The following MECOM variants were observed in gnomAD, a reference collection of about 807,000 sequenced individuals.
MECOM encodes the protein histone-lysine N-methyltransferase MECOM.
Under a neutral mutation model 116.3 loss-of-function variants are expected in MECOM, and 13 were observed. That is an observed-to-expected ratio of 0.11 (90% confidence interval 0.07 to 0.18). The LOEUF (loss-of-function observed/expected upper bound fraction) is 0.18, where lower values mean the gene tolerates loss of function less well. MECOM is among the 10% of genes least tolerant of loss of function. The pLI is 1.00. For synonymous variants in MECOM, 528 were observed against 535.2 expected (o/e 0.99, Z 0.19); for missense variants, 1,299 against 1,509.0 (o/e 0.86, Z 2.31).
At chr3:169,522,090 G>A (rs1030360409) in intron 1 of MECOM, among the ~76,000 whole-genome samples, 1 of 152,188 alleles carries the variant, frequency 6.6e-6, no homozygotes, top group African/African-American at 2.4e-5. Flanking sequence ...CACAGATACA[G>A]AGGGATGACT....
chr3:169,090,259 A>G (rs1719250481), intron 14 of MECOM, 23 bp from the exon 15 acceptor site: 1 of 1,573,390 alleles, frequency 6.4e-7, no homozygotes, highest in Non-Finnish European at 8.6e-7. Context: ...TTAAAAAAAA[A>G]GTCCAATTGT....
intron 2 of MECOM, among the ~76,000 whole-genome samples, chr3:169,374,416 T>G (rs1417349723): frequency 6.6e-6 from 1 of 151,918 alleles, no homozygotes; most frequent in Non-Finnish European, 1.5e-5. Context: ...ATGGCACTAT[T>G]TTCAGAATAG....
intron 2 of MECOM, among the ~76,000 whole-genome samples, chr3:169,357,652 T>C (rs1727493620): frequency 6.6e-6 from 1 of 151,784 alleles, no homozygotes; most frequent in African/African-American, 2.4e-5. Flanking sequence ...AAAAGACTAA[T>C]TGTGCCTCAG....
At chr3:169,365,737 G>C (rs2149833419) in intron 2 of MECOM, among the ~76,000 whole-genome samples, 1 of 152,054 alleles carries the variant, frequency 6.6e-6, no homozygotes, top group East Asian at 2.0e-4. Context: ...AGTCCAGAGG[G>C]AAAATCAGTA....
chr3:169,226,295 A>C lies in MECOM; in HGVS notation c.376-82463T>G, dbSNP rs532273181. Among the ~76,000 whole-genome samples the C allele has an allele frequency of 5.1e-4, 78 of 152,356 alleles. No homozygotes were observed. In the South Asian group the frequency reaches 0.012, roughly 24 times the overall value. On this transcript the variant is annotated intron_variant, in intron 2 of 16. Coordinates refer to ENST00000651503, the MANE Select transcript of MECOM (RefSeq NM_004991.4). ...ATATCACCTGAATAAAAAAAGAATAAGAGTAGAAGTGGAGTGTGAGTTTCC... is the reference window on the plus strand; with the variant it reads ...ATATCACCTGAATAAAAAAAGAATACGAGTAGAAGTGGAGTGTGAGTTTCC...
chr3:169,090,090 G>A lies in MECOM; in HGVS notation c.3311C>T (p.Pro1104Leu). 1.2e-6 allele frequency: 2 copies of A among 1,613,540 alleles called. No individual in the cohort carries two copies. The highest frequency in any genetic ancestry group is 1.1e-5 in the South Asian group (1 of 91,054). The change falls in exon 15 of 17, where the codon CCA (proline) becomes CTA (leucine). Residue 1104 changes from proline to leucine, a missense_variant. Coordinates refer to ENST00000651503, the MANE Select transcript of MECOM (RefSeq NM_004991.4). Reference protein sequence around the residue: ...NDITGKTGKEPVTSNLHEGNP... With the variant: ...NDITGKTGKELVTSNLHEGNP... Reference sequence around the variant, plus strand: ...TCCTTCATGTAAATTACTTGTCACTGGTTCCTTTCCTGTTTTTCCAGTAAT... The same window carrying A: ...TCCTTCATGTAAATTACTTGTCACTAGTTCCTTTCCTGTTTTTCCAGTAAT...
At chr3:169,368,212 A>G (rs1270125733) in intron 2 of MECOM, among the ~76,000 whole-genome samples, 4 of 152,024 alleles carry the variant, frequency 2.6e-5, no homozygotes, top group South Asian at 4.1e-4. Context: ...TATTTTACCA[A>G]TCTTCAGTTT....
intron 1 of MECOM, among the ~76,000 whole-genome samples, chr3:169,500,350 T>C (rs555177488): frequency 9.7e-4 from 147 of 152,132 alleles, no homozygotes; most frequent in Middle Eastern, 3.4e-3. Context: ...TTTATAACCA[T>C]CTTTTTAAAA....
Position 169,127,975 on chromosome 3 carries a change from A to G in MECOM, c.699T>C (p.Ser233=). 6.2e-7 allele frequency: 1 copy of G among 1,614,084 alleles called. No individual in the cohort carries two copies. The highest frequency in any genetic ancestry group is 8.5e-7 in the Non-Finnish European group (1 of 1,179,938). ...CCATTGAAAATGCTGAGTGAGGAGTACTGCATGGAAACTTTTGGTGATCTG... is the reference window on the plus strand; with the variant it reads ...CCATTGAAAATGCTGAGTGAGGAGTGCTGCATGGAAACTTTTGGTGATCTG... ...ELADHQKFPC[S]TPHSAFSMVE... is the part of the protein sequence containing the mutation. Residue 233 remains serine (S), a synonymous_variant, in exon 5 of 17, where the codon AGT becomes AGC. Coordinates refer to ENST00000651503, the MANE Select transcript of MECOM (RefSeq NM_004991.4).
At chr3:169,184,967 G>A (rs950260754) in intron 2 of MECOM, among the ~76,000 whole-genome samples, 1 of 152,188 alleles carries the variant, frequency 6.6e-6, no homozygotes, top group Non-Finnish European at 1.5e-5. Context: ...AGGAGTGCCA[G>A]AAGGGAAGGT....
chr3:169,455,925 T>C (rs779023972), intron 1 of MECOM, among the ~76,000 whole-genome samples: 2 of 152,218 alleles, frequency 1.3e-5, no homozygotes, highest in Non-Finnish European at 2.9e-5. Context: ...AGAAAGCTTT[T>C]GAGCCTAGTC....
Position 169,115,667 on chromosome 3 carries a change from C to T in MECOM, c.2205G>A (p.Lys735=), listed in dbSNP as rs565691894. 2 of 1,614,136 alleles carry T rather than the reference C, an allele frequency of 1.2e-6. No individual in the cohort carries two copies. The highest frequency in any genetic ancestry group is 1.7e-6 in the Non-Finnish European group (2 of 1,180,024). The change falls in exon 8 of 17, where the codon AAG becomes AAA. Residue 735 remains lysine, a synonymous_variant. Transcript: ENST00000651503. ...GATCAAAGGGGGACTCAGAGCTGCCCTTCTGCAGTTTCTTTACTTCACCTG... is the reference window on the plus strand; with the variant it reads ...GATCAAAGGGGGACTCAGAGCTGCCTTTCTGCAGTTTCTTTACTTCACCTG... ...QSPGEVKKLQ[K]GSSESPFDLT... is the part of the protein sequence containing the mutation.
intron 2 of MECOM, among the ~76,000 whole-genome samples, chr3:169,298,593 T>G (rs1193913603): frequency 6.6e-6 from 1 of 152,186 alleles, no homozygotes. Flanking sequence ...ACTGTAATGA[T>G]TTGAAGATAC....
chr3:169,430,717 C>T (rs1431815071), intron 1 of MECOM, among the ~76,000 whole-genome samples: 2 of 152,180 alleles, frequency 1.3e-5, no homozygotes, highest in Non-Finnish European at 2.9e-5. Context: ...GCCTTTGCCT[C>T]CTTTAGCCAT....
At chr3:169,590,615 A>G (rs1380659834) in intron 1 of MECOM, among the ~76,000 whole-genome samples, 1 of 152,236 alleles carries the variant, frequency 6.6e-6, no homozygotes, top group Non-Finnish European at 1.5e-5. Context: ...CATGCTAGGT[A>G]CTTCTATATG....
chr3:169,609,346 A>G (rs1036848241), intron 1 of MECOM, among the ~76,000 whole-genome samples: 1 of 152,208 alleles, frequency 6.6e-6, no homozygotes, highest in Non-Finnish European at 1.5e-5. Flanking sequence ...ACCATATGTT[A>G]TGAGAAATGC....
intron 2 of MECOM, among the ~76,000 whole-genome samples, chr3:169,339,596 C>G (rs1470868165): frequency 6.6e-6 from 1 of 152,112 alleles, no homozygotes; most frequent in East Asian, 1.9e-4. Flanking sequence ...GGATTTCAGG[C>G]CCTTCCCGGA....
At chr3:169,254,441 T>A (rs1756625425) in intron 2 of MECOM, among the ~76,000 whole-genome samples, 1 of 152,186 alleles carries the variant, frequency 6.6e-6, no homozygotes, top group Admixed American at 6.5e-5. Context: ...CAAATGCTAG[T>A]GAGCACCTAC....
At chr3:169,328,725 A>G (rs1325000660) in intron 2 of MECOM, among the ~76,000 whole-genome samples, 2 of 152,150 alleles carry the variant, frequency 1.3e-5, no homozygotes, top group Admixed American at 6.5e-5. Context: ...TCCACCTACT[A>G]AATGAAAATG....
Sources: allele counts gnomAD v4.1 joint callset (sites outside exome capture counted in the v4.1 genomes callset), GRCh38; gene constraint gnomAD v4.1.1; transcripts MANE v1.5; gene names NCBI Gene and HGNC (gene_info 2026-07-23, HGNC 2026-07-21).